LOXHD1: variants seen among roughly 807,000 people sequenced by gnomAD.
LOXHD1 encodes the protein lipoxygenase homology domain-containing protein 1.
In LOXHD1, 205 loss-of-function variants were observed where a neutral mutation model predicts 248.2. That is an observed-to-expected ratio of 0.83 (90% CI 0.74 to 0.93). The LOEUF is 0.93. LOXHD1 is among the 40% of genes least tolerant of loss of function. LOXHD1 has a pLI of 0.00. For synonymous variants in LOXHD1, 1,113 were observed against 1,162.8 expected, an observed-to-expected ratio of 0.96 and a Z score of 0.87; for missense variants, 2,930 against 2,971.6, an observed-to-expected ratio of 0.99 and a Z score of 0.33.
In LOXHD1 at chr18:46,560,281, C is replaced by A. The variant is rs548893604; in HGVS notation, c.2863G>T (p.Glu955Ter). 2 of 1,551,962 alleles carry A rather than the reference C, an allele frequency of 1.3e-6. No homozygotes were observed. Among genetic ancestry groups the A allele is most frequent in the Non-Finnish European group, 1.7e-6 (2 of 1,146,996 alleles). The change falls in exon 19 of 41, where the codon GAG becomes TAG. Residue 955 changes from glutamate to a stop codon, truncating the protein, a stop_gained. Coordinates refer to ENST00000642948, the MANE Select transcript of LOXHD1 (RefSeq NM_001384474.1). LOFTEE classifies it high-confidence loss of function. ...GSDEEDEGEEEESSSSEESSS... is the reference protein window; with the variant it reads ...GSDEEDEGEE ...GACTCCTCTGATGAGGACGACTCCT[C>A]TTCCTCCCCCTCGTCCTCTTCGTCG...
At chr18:46,641,699 A>G (rs2038964822) in intron 3 of LOXHD1, among the ~76,000 whole-genome samples, 1 of 152,140 alleles carries the variant, frequency 6.6e-6, no homozygotes, top group African/African-American at 2.4e-5. Context: ...GCCCCTAACC[A>G]CTATGCTATA....
Position 46,560,534 on chromosome 18 carries a change from G to A in LOXHD1, c.2610C>T (p.Ala870=), listed in dbSNP as rs1466164772. The change falls in exon 19 of 41, where the codon GCC becomes GCT. Residue 870 remains alanine, a synonymous_variant. Transcript: ENST00000642948. ...GGAGCTTATAGACCTCGCCCACGTC[G>A]GCCGCCTCAAGCTGTTCAAAGGGCA... ...ASKDTFQLEA[A]DVGEVYKLRL... The A allele has an allele frequency of 2.0e-6, 3 of 1,530,634 alleles. No individual in the cohort carries two copies. The highest frequency in any genetic ancestry group is 1.2e-5 in the South Asian group (1 of 83,754). The allele number at this position is 1,530,634 out of a possible 1,614,324, so 94.8% of individuals were successfully genotyped here.
chr18:46,653,633 G>C (rs2039140889), intron 1 of LOXHD1, among the ~76,000 whole-genome samples: 1 of 152,176 alleles, frequency 6.6e-6, no homozygotes, highest in African/African-American at 2.4e-5. Context: ...CCCAGCACAT[G>C]AGAGACAGTC....
chr18:46,553,611 A>G (rs1201433260), intron 21 of LOXHD1, among the ~76,000 whole-genome samples: 3 of 152,246 alleles, frequency 2.0e-5, no homozygotes, highest in Admixed American at 2.0e-4. Context: ...TGTGCCAGAC[A>G]TTCTTCTACG....
At chr18:46,593,558 C>T (rs1327912092) in intron 10 of LOXHD1, 42 bp downstream of exon 10, 1 of 1,546,946 alleles carries the variant, frequency 6.5e-7, no homozygotes, top group Non-Finnish European at 8.8e-7. Flanking sequence ...CCCTACATCC[C>T]TTCCTCCTTT....
chr18:46,586,374 G>A (rs1199717869), intron 12 of LOXHD1, among the ~76,000 whole-genome samples: 2 of 152,150 alleles, frequency 1.3e-5, no homozygotes, highest in African/African-American at 4.8e-5. Context: ...CCATTGACTT[G>A]TACACTTTAA....
rs1255055927 is a variant in LOXHD1 at position 46,656,984 on chromosome 18, G to C, written c.50C>G (p.Ala17Gly). The change falls in exon 1 of 41, where the codon GCC (alanine) becomes GGC (glycine). Residue 17 changes from alanine to glycine, a missense_variant. Ala to Gly is a moderately conservative substitution (Grantham distance 60). Coordinates refer to ENST00000642948, the MANE Select transcript of LOXHD1 (RefSeq NM_001384474.1). ...RRRKKDIDFL[A>G]LYEAELLNYA... ...GTTCAGCAGCTCCGCTTCGTACAGG[G>C]CCAGGAAGTCGATGTCCTTCTTCCT... 6.4e-7 allele frequency: 1 copy of C among 1,551,646 alleles called. No individual in the cohort carries two copies. Among genetic ancestry groups the C allele is most frequent in the Non-Finnish European group, 8.7e-7 (1 of 1,146,942 alleles).
At position 46,477,655 on chromosome 18, in the gene LOXHD1, C is replaced by T. The variant is rs1159626281; in HGVS notation, c.6639G>A (p.Leu2213=). Residue 2213 remains leucine, a synonymous_variant, in exon 41 of 41, where the codon CTG becomes CTA. Coordinates refer to ENST00000642948, the MANE Select transcript of LOXHD1 (RefSeq NM_001384474.1). ...TDRFFLETLE[L]GELRKVRLEH... ...CCAGGCGCACCTTGCGCAGCTCACC[C>T]AGCTCCAGCGTCTCCAGGAAGAAGC... The T allele has an allele frequency of 6.4e-7, 1 of 1,551,852 alleles. No homozygotes were observed. The highest frequency in any genetic ancestry group is 2.0e-5 in the Admixed American group (1 of 51,018).
chr18:46,558,228 C>G (rs547241077), intron 20 of LOXHD1, among the ~76,000 whole-genome samples: 2 of 152,310 alleles, frequency 1.3e-5, no homozygotes, highest in East Asian at 3.9e-4. Flanking sequence ...CTCTCTTGCA[C>G]TCTCTCTCTT....
intron 12 of LOXHD1, among the ~76,000 whole-genome samples, chr18:46,584,343 T>C (rs1432525484): frequency 2.6e-5 from 4 of 152,058 alleles, no homozygotes; most frequent in Non-Finnish European, 5.9e-5. Context: ...TAGTTAACAA[T>C]AAAGACTTGT....
At chr18:46,653,203 C>T (rs557288408) in intron 1 of LOXHD1, among the ~76,000 whole-genome samples, 2 of 152,054 alleles carry the variant, frequency 1.3e-5, no homozygotes, top group African/African-American at 2.4e-5. Flanking sequence ...GGCGAGATCA[C>T]GCCACTGCAC....
Position 46,489,131 on chromosome 18 carries a change from C to T in LOXHD1, c.5890G>A (p.Gly1964Ser), listed in dbSNP as rs1328536462. Residue 1964 changes from glycine to serine, a missense_variant, in exon 38 of 41, where the codon GGC (glycine) becomes AGC (serine). Coordinates refer to ENST00000642948, the MANE Select transcript of LOXHD1 (RefSeq NM_001384474.1). ...ACATCGACATAGCTCAGATGCCAGC[C>T]AGGAAATATCCCTGTGGAAAAGACA... The part of the protein sequence containing the change: ...VWHDNKGIFP[G>S]WHLSYVDVKD... The T allele has an allele frequency of 6.4e-7, 1 of 1,551,694 alleles. No homozygotes were observed. Among genetic ancestry groups the T allele is most frequent in the Non-Finnish European group, 8.7e-7 (1 of 1,147,000 alleles).
At chr18:46,578,046 C>T (rs2037893547) in intron 13 of LOXHD1, among the ~76,000 whole-genome samples, 179 bp from the exon 14 acceptor site, 1 of 152,196 alleles carries the variant, frequency 6.6e-6, no homozygotes, top group Non-Finnish European at 1.5e-5. Context: ...CCAATTTCTT[C>T]CACTGGAATA....
intron 2 of LOXHD1, among the ~76,000 whole-genome samples, chr18:46,648,254 T>A (rs1015166340): frequency 1.3e-5 from 2 of 151,822 alleles, no homozygotes; most frequent in Non-Finnish European, 2.9e-5. Flanking sequence ...CGAGACTCCA[T>A]CTCAAAACAA....
intron 33 of LOXHD1, chr18:46,520,393 A>G (rs904572512): frequency 3.9e-5 from 17 of 435,644 alleles, no homozygotes; most frequent in Middle Eastern, 3.5e-4. Flanking sequence ...CCCCATAGCC[A>G]TGAGCCAAAA....
At chr18:46,548,848 C>T (rs989199746) in intron 21 of LOXHD1, among the ~76,000 whole-genome samples, 1 of 152,144 alleles carries the variant, frequency 6.6e-6, no homozygotes, top group African/African-American at 2.4e-5. Flanking sequence ...AGAAAATGCA[C>T]ACAGAGTCTG....
intron 26 of LOXHD1, among the ~76,000 whole-genome samples, chr18:46,536,945 C>A (rs7240833): frequency 6.6e-6 from 1 of 152,040 alleles, no homozygotes; most frequent in Non-Finnish European, 1.5e-5. Flanking sequence ...GGGTCTCCTG[C>A]GCTTCCCCTC....
intron 12 of LOXHD1, among the ~76,000 whole-genome samples, chr18:46,589,439 C>T (rs913625091): frequency 2.6e-4 from 40 of 152,328 alleles, no homozygotes; most frequent in African/African-American, 8.9e-4. Flanking sequence ...CGTCCCCCTT[C>T]GTTCAGTCCT....
Position 46,560,342 on chromosome 18 carries a change from G to A in LOXHD1, c.2802C>T (p.Ala934=). 6.4e-7 allele frequency: 1 copy of A among 1,552,122 alleles called. No individual in the cohort carries two copies. The highest frequency in any genetic ancestry group is 8.7e-7 in the Non-Finnish European group (1 of 1,147,430). Residue 934 remains alanine (A), a synonymous_variant, in exon 19 of 41, where the codon GCC becomes GCT. Coordinates refer to ENST00000642948, the MANE Select transcript of LOXHD1 (RefSeq NM_001384474.1). ...TCTTCTTCTTCTTCCTCTGCAGCTT[G>A]GCCTTCAGCCGCTCCTTCTTGAGCA... ...RQLLKKERLK[A]KLQRKKKKRK... is the part of the protein sequence containing the mutation.
Sources: allele counts gnomAD v4.1 joint callset (sites outside exome capture counted in the v4.1 genomes callset), GRCh38; gene constraint gnomAD v4.1.1; transcripts MANE v1.5; gene names NCBI Gene and HGNC (gene_info 2026-07-23, HGNC 2026-07-21).